Variants in MINDY2 observed in about 807,000 individuals in gnomAD.
MINDY2 encodes the protein MINDY lysine 48 deubiquitinase 2.
In MINDY2, 52 loss-of-function variants were observed where a neutral mutation model predicts 68.2. That is an observed-to-expected ratio of 0.76 (90% CI 0.61 to 0.96). The LOEUF is 0.96. Among genes scored for constraint, MINDY2 ranks in the 40% least tolerant of loss-of-function variants. The probability of loss-of-function intolerance (pLI) is 0.00; values close to 1 mark genes in which losing one functional copy is unlikely to be tolerated. For missense variants in MINDY2, 881 were observed against 773.4 expected, an observed-to-expected ratio of 1.14 and a Z score of -1.65; for synonymous variants, 372 against 303.0, an observed-to-expected ratio of 1.23 and a Z score of -2.36.
At position 58,771,355 on chromosome 15, in the gene MINDY2, G is replaced by T. The variant is rs1480140094; in HGVS notation, c.-41G>T. The T allele has an allele frequency of 1.3e-6, 2 of 1,570,188 alleles. No individual in the cohort carries two copies. The highest frequency in any genetic ancestry group is 1.9e-5 in the Admixed American group (1 of 52,752). On this transcript the variant is annotated 5_prime_UTR_variant, in exon 1 of 9. Transcript: ENST00000559228. ...CGTCCAAGGCGCTGGCTGCGGAGAA[G>T]TGGCCGCGGTCTCCATAGAGCTGGG...
chr15:58,813,931 C>CTTTTTTTT (rs60131191), intron 4 of MINDY2, among the ~76,000 whole-genome samples: 1 of 126,984 alleles, frequency 7.9e-6, no homozygotes. Context: ...ACTTGCATTT[C>CTTTTTTTT]TTTTTTTTTT....
intron 6 of MINDY2, among the ~76,000 whole-genome samples, chr15:58,845,220 A>G (rs2032475026): frequency 6.6e-6 from 1 of 152,174 alleles, no homozygotes; most frequent in African/African-American, 2.4e-5. Flanking sequence ...AGCCTGGCCA[A>G]CATGGTAAAA....
intron 1 of MINDY2, among the ~76,000 whole-genome samples, chr15:58,773,185 G>A (rs1288555072): frequency 2.0e-5 from 3 of 151,852 alleles, no homozygotes; most frequent in African/African-American, 7.3e-5. Flanking sequence ...TGTAATCCCA[G>A]CTACTCCGTA....
chr15:58,791,622 ATGTG>A lies in MINDY2; in HGVS notation c.898+3695_898+3698del, dbSNP rs368688031. ...ACAGGGCAAGACCCTGTCTCAAAAT[ATGTG>A]TGTGTGTGTGTGTGTGTGTGTGTGT... On this transcript the variant is annotated intron_variant, in intron 2 of 8. Transcript: ENST00000559228. Among the ~76,000 whole-genome samples, 407 of 136,738 alleles carry A rather than the reference ATGTG, an allele frequency of 3.0e-3. 2 individuals are homozygous for A. Among genetic ancestry groups the A allele is most frequent in the African/African-American group, 5.0e-3 (181 of 36,474 alleles). 89.7% of individuals were successfully genotyped at this position (136,738 alleles called of 152,430 possible).
At position 58,826,864 on chromosome 15, in the gene MINDY2, T is replaced by TCCTC. The variant is rs1376915969; in HGVS notation, c.1226-4906_1226-4903dup. On this transcript the variant is annotated intron_variant, in intron 5 of 8. Transcript: ENST00000559228. Reference sequence around the variant, plus strand: ...TAACCTTATTCCTTCCTCCCTCCCTTCCTCCCTTCCTTCCTTCATTTCTCC... The same window carrying TCCTC: ...TAACCTTATTCCTTCCTCCCTCCCTTCCTCCCTCCCTTCCTTCCTTCATTTCTCC... Among the ~76,000 whole-genome samples, 14 of 152,082 alleles carry TCCTC rather than the reference T, an allele frequency of 9.2e-5. 1 individual carries two copies. The highest frequency in any genetic ancestry group is 4.6e-4 in the Admixed American group (7 of 15,256).
At chr15:58,843,417 C>G (rs1171572866) in intron 6 of MINDY2, among the ~76,000 whole-genome samples, 2 of 152,126 alleles carry the variant, frequency 1.3e-5, no homozygotes. Flanking sequence ...TCCCAAAGTG[C>G]TAGGATTACA....
chr15:58,781,951 T>G (rs1252828208), intron 1 of MINDY2, among the ~76,000 whole-genome samples: 1 of 151,948 alleles, frequency 6.6e-6, no homozygotes, highest in Non-Finnish European at 1.5e-5. Flanking sequence ...AGAAAGCCAA[T>G]TAGATTCACT....
intron 2 of MINDY2, among the ~76,000 whole-genome samples, chr15:58,797,046 G>C (rs1902330363): frequency 6.6e-6 from 1 of 152,032 alleles, no homozygotes; most frequent in Non-Finnish European, 1.5e-5. Context: ...TAGCCACTAG[G>C]TACATGTGGT....
chr15:58,774,311 C>T (rs776970147), intron 1 of MINDY2, among the ~76,000 whole-genome samples: 3 of 152,020 alleles, frequency 2.0e-5, no homozygotes, highest in Non-Finnish European at 4.4e-5. Flanking sequence ...GGTGAAACCC[C>T]GTCTCTACTA....
intron 3 of MINDY2, among the ~76,000 whole-genome samples, chr15:58,802,692 G>C (rs1902749198): frequency 6.6e-6 from 1 of 151,660 alleles, no homozygotes; most frequent in Admixed American, 6.6e-5. Flanking sequence ...TGACTTCCAG[G>C]TCAATTTGTC....
intron 2 of MINDY2, among the ~76,000 whole-genome samples, chr15:58,791,015 T>A (rs1290809179): frequency 6.6e-6 from 1 of 150,756 alleles, no homozygotes; most frequent in Admixed American, 6.6e-5. Flanking sequence ...CCATCTCCAC[T>A]AAAAAATACA....
intron 5 of MINDY2, among the ~76,000 whole-genome samples, chr15:58,827,921 C>T (rs568335022): frequency 4.6e-5 from 7 of 152,150 alleles, no homozygotes; most frequent in African/African-American, 1.4e-4. Flanking sequence ...GGGCTCCCTA[C>T]TGCACTCCTG....
chr15:58,833,899 C>G (rs1010707948), intron 6 of MINDY2, among the ~76,000 whole-genome samples: 2 of 152,090 alleles, frequency 1.3e-5, no homozygotes, highest in Admixed American at 6.6e-5. Context: ...GGCTGCCGGA[C>G]GGTCAGGTCT....
chr15:58,833,201 C>G (rs1237048656), intron 6 of MINDY2, among the ~76,000 whole-genome samples: 1 of 152,220 alleles, frequency 6.6e-6, no homozygotes, highest in Non-Finnish European at 1.5e-5. Flanking sequence ...TTCAGTAGCA[C>G]TTCATGCGTG....
intron 2 of MINDY2, among the ~76,000 whole-genome samples, chr15:58,800,898 C>T (rs1902602026): frequency 6.6e-6 from 1 of 151,332 alleles, no homozygotes; most frequent in Non-Finnish European, 1.5e-5. Flanking sequence ...AAGTCTAGCT[C>T]TCACAAAAAA....
chr15:58,845,173 A>G (rs2141053806), intron 6 of MINDY2, among the ~76,000 whole-genome samples: 1 of 152,106 alleles, frequency 6.6e-6, no homozygotes, highest in African/African-American at 2.4e-5. Context: ...TGGGAGGCCC[A>G]GGTGGGCAGA....
intron 7 of MINDY2, among the ~76,000 whole-genome samples, chr15:58,851,013 G>T (rs563428531): frequency 5.3e-5 from 8 of 150,812 alleles, no homozygotes; most frequent in Non-Finnish European, 1.0e-4. Context: ...TTCCTCTGTC[G>T]CCCAGGCTGG....
chr15:58,788,343 G>T (rs1031220371), intron 2 of MINDY2, among the ~76,000 whole-genome samples: 46 of 152,214 alleles, frequency 3.0e-4, no homozygotes, highest in African/African-American at 4.8e-4. Flanking sequence ...GCTACCGAAA[G>T]TGTGATTCAT....
At chr15:58,787,744 A>C (rs1901605926) in intron 1 of MINDY2, among the ~76,000 whole-genome samples, 162 bp from the exon 2 acceptor site, 1 of 152,022 alleles carries the variant, frequency 6.6e-6, no homozygotes, top group Admixed American at 6.6e-5. Context: ...CTCAAAAAAA[A>C]AAAAAAAAAA....
Sources: allele counts gnomAD v4.1 joint callset (sites outside exome capture counted in the v4.1 genomes callset), GRCh38; gene constraint gnomAD v4.1.1; transcripts MANE v1.5; gene names NCBI Gene and HGNC (gene_info 2026-07-23, HGNC 2026-07-21).